RBFOX1: variants seen among roughly 807,000 people sequenced by gnomAD.
RBFOX1 encodes the protein RNA binding protein fox-1 homolog 1.
A neutral mutation model predicts 57.7 loss-of-function variants in RBFOX1; 8 were observed. That is an observed-to-expected ratio of 0.14 (90% CI 0.08 to 0.25). The LOEUF (loss-of-function observed/expected upper bound fraction) is 0.25, where lower values mean the gene tolerates loss of function less well. RBFOX1 is among the 10% of genes least tolerant of loss of function. The probability of loss-of-function intolerance (pLI) is 1.00; values close to 1 mark genes in which losing one functional copy is unlikely to be tolerated. For missense variants in RBFOX1, 611 were observed against 548.5 expected (o/e 1.11, Z -1.14); for synonymous variants, 326 against 222.4 (o/e 1.47, Z -4.15).
chr16:6,498,742 A>G (rs1351038409), intron 2 of RBFOX1, among the ~76,000 whole-genome samples: 1 of 152,236 alleles, frequency 6.6e-6, no homozygotes, highest in Non-Finnish European at 1.5e-5. Flanking sequence ...AATCTAAATA[A>G]TAATTATATC....
intron 4 of RBFOX1, among the ~76,000 whole-genome samples, chr16:7,175,360 A>C (rs770840486): frequency 6.6e-6 from 1 of 152,174 alleles, no homozygotes; most frequent in Non-Finnish European, 1.5e-5. Flanking sequence ...ATCTTGAGGA[A>C]TCTTACATTA....
chr16:6,566,545 C>A (rs1157891557), intron 2 of RBFOX1, among the ~76,000 whole-genome samples: 1 of 152,080 alleles, frequency 6.6e-6, no homozygotes, highest in Non-Finnish European at 1.5e-5. Context: ...GGCTGCTTAT[C>A]CCTTGACTAT....
intron 4 of RBFOX1, among the ~76,000 whole-genome samples, chr16:7,501,086 C>A (rs1312812525): frequency 1.3e-5 from 2 of 152,294 alleles, no homozygotes; most frequent in South Asian, 2.1e-4. Context: ...CAACCTCTTT[C>A]CTTTATAAAT....
intron 12 of RBFOX1, among the ~76,000 whole-genome samples, chr16:7,659,508 G>C (rs2145288019): frequency 6.6e-6 from 1 of 152,150 alleles, no homozygotes. Flanking sequence ...CCAATCTTTT[G>C]GTTTCCCTGG....
chr16:5,905,538 C>T lies in RBFOX1; in HGVS notation c.351+38203C>T, dbSNP rs182124370. Among the ~76,000 whole-genome samples the T allele has an allele frequency of 3.0e-3, 459 of 152,072 alleles. 4 individuals carry two copies. The highest frequency in any genetic ancestry group is 0.024 in the Middle Eastern group (7 of 294). Reference sequence around the variant, plus strand: ...ACCAGCTTGGAAAACATGTTGAAACCGAATCTCTACAAAAAAATGCAAAAA... The same window carrying T: ...ACCAGCTTGGAAAACATGTTGAAACTGAATCTCTACAAAAAAATGCAAAAA... On this transcript the variant is annotated intron_variant, in intron 4 of 19. Transcript: ENST00000641259.
At chr16:5,382,563 C>T (rs1342693046) in intron 1 of RBFOX1, among the ~76,000 whole-genome samples, 2 of 152,166 alleles carry the variant, frequency 1.3e-5, no homozygotes, top group East Asian at 1.9e-4. Flanking sequence ...CTCGTCTGTA[C>T]TTTCCTTGCT....
In RBFOX1 at chr16:7,544,678, C is replaced by A. The variant is rs560522315; in HGVS notation, c.270+26289C>A. On this transcript the variant is annotated intron_variant, in intron 5 of 15. Transcript: ENST00000550418. ...CAACACCTTGATTTTGAACTTCTGGCCTCTGGAACTGTGAGAGATTACCTT... is the reference window on the plus strand; with the variant it reads ...CAACACCTTGATTTTGAACTTCTGGACTCTGGAACTGTGAGAGATTACCTT... Among the ~76,000 whole-genome samples the A allele has an allele frequency of 7.0e-4, 106 of 152,114 alleles. 1 individual carries two copies. The highest frequency in any genetic ancestry group is 1.4e-3 in the Non-Finnish European group (96 of 68,028).
At chr16:7,582,299 A>G (rs1046233946) in intron 6 of RBFOX1, among the ~76,000 whole-genome samples, 1 of 152,174 alleles carries the variant, frequency 6.6e-6, no homozygotes, top group African/African-American at 2.4e-5. Context: ...CACAAACTCA[A>G]CCTTGTTCAT....
At chr16:7,342,242 C>G (rs939392415) in intron 4 of RBFOX1, among the ~76,000 whole-genome samples, 4 of 152,168 alleles carry the variant, frequency 2.6e-5, no homozygotes, top group African/African-American at 9.7e-5. Context: ...CAAGTGTACT[C>G]TACTCACAAG....
At chr16:7,211,325 G>A (rs990845380) in intron 4 of RBFOX1, among the ~76,000 whole-genome samples, 1 of 146,100 alleles carries the variant, frequency 6.8e-6, no homozygotes, top group African/African-American at 2.6e-5. Context: ...CTGGGAGGCG[G>A]AGCTTGCAGT....
chr16:7,044,924 C>T (rs1391398090), intron 3 of RBFOX1, among the ~76,000 whole-genome samples: 1 of 152,280 alleles, frequency 6.6e-6, no homozygotes, highest in African/African-American at 2.4e-5. Flanking sequence ...TCATTAGTTG[C>T]AGCAATAACT....
At chr16:6,871,959 G>GTGTGTGTGTC (rs879908471) in intron 3 of RBFOX1, among the ~76,000 whole-genome samples, 11 of 126,354 alleles carry the variant, frequency 8.7e-5, no homozygotes, top group African/African-American at 3.0e-4. Flanking sequence ...GTGTGTGTGT[G>GTGTGTGTGTC]TGTTTCCCTC....
intron 2 of RBFOX1, among the ~76,000 whole-genome samples, chr16:6,440,205 G>A (rs776506277): frequency 1.8e-4 from 27 of 151,988 alleles, no homozygotes; most frequent in Non-Finnish European, 3.1e-4. Flanking sequence ...AAAGTGCTGG[G>A]ATTACAGGCG....
At chr16:6,574,013 C>G (rs945888097) in intron 2 of RBFOX1, 1 of 152,340 alleles carries the variant, frequency 6.6e-6, no homozygotes, top group African/African-American at 2.4e-5. Flanking sequence ...AGGCAGCCAG[C>G]TTCACTGTCA....
chr16:5,948,181 A>G (rs2059443902), intron 4 of RBFOX1, among the ~76,000 whole-genome samples: 1 of 152,164 alleles, frequency 6.6e-6, no homozygotes, highest in Admixed American at 6.5e-5. Flanking sequence ...TGTTTGCTAT[A>G]GAGGGGAGGA....
At chr16:7,118,836 G>T (rs1421476470) in intron 4 of RBFOX1, among the ~76,000 whole-genome samples, 1 of 152,140 alleles carries the variant, frequency 6.6e-6, no homozygotes, top group East Asian at 1.9e-4. Context: ...GGCACCGAAA[G>T]AGAGAATGGA....
intron 3 of RBFOX1, among the ~76,000 whole-genome samples, chr16:5,685,893 TC>T (rs1247728987): frequency 6.6e-6 from 1 of 152,218 alleles, no homozygotes; most frequent in African/African-American, 2.4e-5. Flanking sequence ...AAAGAGATGT[TC>T]ATTGCAGCAA....
At chr16:5,881,737 C>T (rs940572528) in intron 4 of RBFOX1, among the ~76,000 whole-genome samples, 1 of 152,056 alleles carries the variant, frequency 6.6e-6, no homozygotes, top group Admixed American at 6.6e-5. Flanking sequence ...AATTTTCCCC[C>T]CAATGCTAGG....
At chr16:6,838,589 C>T (rs542955416) in intron 3 of RBFOX1, among the ~76,000 whole-genome samples, 2 of 152,308 alleles carry the variant, frequency 1.3e-5, no homozygotes, top group South Asian at 4.1e-4. Flanking sequence ...TCTGCTGCCC[C>T]TCTGCTGCTG....
Sources: gnomAD v4.1 joint callset for allele counts (sites outside exome capture counted in the v4.1 genomes callset) on GRCh38, gnomAD v4.1.1 for gene constraint, MANE v1.5 for transcripts, NCBI Gene and HGNC (gene_info 2026-07-23, HGNC 2026-07-21) for gene names.